NLRC5: variants seen among roughly 807,000 people sequenced by gnomAD.
The protein encoded by NLRC5 is NLR family CARD domain containing 5.
Under a neutral mutation model 206.9 loss-of-function variants are expected in NLRC5, and 114 were observed. The ratio of observed to expected loss-of-function variants is 0.55; its 90% CI spans 0.47 to 0.64. The LOEUF (loss-of-function observed/expected upper bound fraction) is 0.64. Among genes scored for constraint, NLRC5 ranks in the 30% least tolerant of loss-of-function variants. The pLI is 0.00. For missense variants in NLRC5, 2,008 were observed against 2,305.5 expected (o/e 0.87, Z 2.64); for synonymous variants, 952 against 962.8 (o/e 0.99, Z 0.21).
intron 40 of NLRC5, 68 bp downstream of exon 40, chr16:57,076,970 C>A (rs112443618): frequency 2.6e-5 from 35 of 1,356,096 alleles, no homozygotes; most frequent in Non-Finnish European, 3.6e-5. Context: ...GGGCAAGGGG[C>A]TACCTGAGCA....
chr16:57,027,011 A>AATCTC lies in NLRC5; in HGVS notation c.2070_2074dup (p.Ser692IlefsTer32). On this transcript the variant is annotated frameshift_variant, in exon 6 of 49. Transcript: ENST00000688547. LOFTEE classifies it high-confidence loss of function. ...TCTGGTAGGCTGTGGGCAGATAGAGAATCTCAGGTGAGTAAGAGTGGAGGA... is the reference window on the plus strand; with the variant it reads ...TCTGGTAGGCTGTGGGCAGATAGAGAATCTCATCTCAGGTGAGTAAGAGTGGAGGA... The AATCTC allele has an allele frequency of 6.2e-7, 1 of 1,613,088 alleles. No individual in the cohort carries two copies. Among genetic ancestry groups the AATCTC allele is most frequent in the Non-Finnish European group, 8.5e-7 (1 of 1,179,292 alleles).
intron 32 of NLRC5, chr16:57,062,019 T>C (rs1222086518): frequency 1.4e-6 from 2 of 1,418,148 alleles, no homozygotes; most frequent in Non-Finnish European, 9.3e-7. Flanking sequence ...GTCTGTTCAC[T>C]ATGATCATTT....
intron 1 of NLRC5, among the ~76,000 whole-genome samples, chr16:57,007,166 C>T (rs901888739): frequency 6.6e-6 from 1 of 152,162 alleles, no homozygotes; most frequent in East Asian, 1.9e-4. Context: ...CCAGATCCCT[C>T]CTCAGACACA....
chr16:57,008,751 G>A (rs1386932632), intron 1 of NLRC5, among the ~76,000 whole-genome samples: 3 of 152,138 alleles, frequency 2.0e-5, no homozygotes, highest in Admixed American at 6.5e-5. Flanking sequence ...AAAAAGCCTA[G>A]CAATGGCTTA....
intron 10 of NLRC5, among the ~76,000 whole-genome samples, chr16:57,030,519 G>T (rs962713875): frequency 6.6e-6 from 1 of 151,348 alleles, no homozygotes; most frequent in Middle Eastern, 3.4e-3. Flanking sequence ...TGGATGGAAA[G>T]ATTGATGGGT....
chr16:56,990,038 T>A (rs1432941701), intron 1 of NLRC5, among the ~76,000 whole-genome samples: 2 of 152,230 alleles, frequency 1.3e-5, no homozygotes, highest in Non-Finnish European at 2.9e-5. Flanking sequence ...CAATTTAGAC[T>A]TTTTGGCCTA....
chr16:57,024,761 G>C (rs2061088074), intron 5 of NLRC5, among the ~76,000 whole-genome samples: 1 of 152,212 alleles, frequency 6.6e-6, no homozygotes, highest in Non-Finnish European at 1.5e-5. Flanking sequence ...TGTAATCCCA[G>C]CACTTTGGAG....
In NLRC5 at chr16:57,059,525, A is replaced by T; in HGVS notation, c.3979A>T (p.Thr1327Ser). The T allele has an allele frequency of 1.2e-6, 2 of 1,611,372 alleles. No individual in the cohort carries two copies. The highest frequency in any genetic ancestry group is 1.7e-6 in the Non-Finnish European group (2 of 1,178,590). ...HFSREDQAGK[T>S]LRLSECSFRP... ...CTCCAGAGAGGACCAGGCTGGGAAGACACTCAGGTAATCCCTGCAGGGTGA... is the reference window on the plus strand; with the variant it reads ...CTCCAGAGAGGACCAGGCTGGGAAGTCACTCAGGTAATCCCTGCAGGGTGA... Residue 1327 changes from threonine (T) to serine (S), a missense_variant, in exon 30 of 49, where the codon ACA (threonine) becomes TCA (serine). Transcript: ENST00000688547.
At position 57,048,121 on chromosome 16, in the gene NLRC5, GCTT is replaced by G. The variant is rs142161599; in HGVS notation, c.3422+498_3422+500del. 1,254 of 157,248 alleles carry G rather than the reference GCTT, an allele frequency of 8.0e-3. 21 individuals are homozygous for G. Among genetic ancestry groups the G allele is most frequent in the African/African-American group, 0.029 (1,209 of 41,700 alleles). 9.7% of individuals were successfully genotyped at this position (157,248 alleles called of 1,614,324 possible). On this transcript the variant is annotated intron_variant, in intron 23 of 48. Coordinates refer to ENST00000688547, the MANE Select transcript of NLRC5 (RefSeq NM_001384950.1). ...AAGGGATTTAACTCCCCGGGCCTCA[GCTT>G]CTTCATCTGCACAGTGGATGGTCAG...
chr16:57,076,907 G>T lies in NLRC5; in HGVS notation c.4835+5G>T. On this transcript the variant is annotated splice_donor_5th_base_variant and intron_variant, in intron 40 of 48. Transcript: ENST00000688547. Reference sequence around the variant, plus strand: ...CACCAGCCTAGAGGAGCTGGAGTGAGTTGCCCATTCTGCCCCCAGACCCAG... The same window carrying T: ...CACCAGCCTAGAGGAGCTGGAGTGATTTGCCCATTCTGCCCCCAGACCCAG... The T allele has an allele frequency of 6.2e-7, 1 of 1,613,610 alleles. No homozygotes were observed. The highest frequency in any genetic ancestry group is 8.5e-7 in the Non-Finnish European group (1 of 1,179,850).
chr16:57,028,359 T>C lies in NLRC5; in HGVS notation c.2217T>C (p.Pro739=), dbSNP rs188888674. 43 of 1,614,146 alleles carry C rather than the reference T, an allele frequency of 2.7e-5. No homozygotes were observed. The East Asian group carries it at 9.1e-4, about 34-fold the overall frequency. The part of the protein sequence containing the change: ...RGISHLVKAL[P]LCPQLKEVSF... The stretch of plus-strand genomic sequence containing the variant: ...TCAGCCACCTGGTGAAAGCTTTGCC[T>C]CTCTGTCCACAGCTGAAAGAAGTCA... Residue 739 remains proline, a synonymous_variant, in exon 8 of 49, where the codon CCT becomes CCC. Transcript: ENST00000688547.
intron 1 of NLRC5, among the ~76,000 whole-genome samples, chr16:57,006,413 C>CTTTTTT (rs58713490): frequency 0.049 from 4,417 of 90,432 alleles, 628 homozygotes; most frequent in Non-Finnish European, 0.063. Context: ...TCTTCATCCT[C>CTTTTTT]TTTTTTTTTT....
intron 43 of NLRC5, 54 bp from the exon 44 acceptor site, chr16:57,078,996 G>T: frequency 2.0e-6 from 3 of 1,511,896 alleles, no homozygotes; most frequent in Non-Finnish European, 2.8e-6. Flanking sequence ...CTGAGGGTGG[G>T]GCTCTGGAAA....
intron 18 of NLRC5, among the ~76,000 whole-genome samples, 184 bp from the exon 19 acceptor site, chr16:57,041,798 G>A (rs1415079428): frequency 2.0e-5 from 3 of 151,952 alleles, no homozygotes; most frequent in Admixed American, 6.6e-5. Context: ...AGAGGTCCAC[G>A]AACCTCAGAA....
rs567290819 is a variant in NLRC5 at position 57,034,198 on chromosome 16, T to C, written c.2574T>C (p.Asp858=). Residue 858 remains aspartate (D), a synonymous_variant, in exon 13 of 49, where the codon GAT becomes GAC. Transcript: ENST00000688547. ...AGAAGTGTCAGCTCCAGGTCCACGATGCGGAGGCCCTCATAGCCCTGCTCC... is the reference window on the plus strand; with the variant it reads ...AGAAGTGTCAGCTCCAGGTCCACGACGCGGAGGCCCTCATAGCCCTGCTCC... The part of the protein sequence containing the change: ...RLQKCQLQVH[D]AEALIALLQE... 62 of 1,614,126 alleles carry C rather than the reference T, an allele frequency of 3.8e-5. No homozygotes were observed. In the Admixed American group the frequency reaches 6.0e-4, roughly 16 times the overall value.
intron 15 of NLRC5, among the ~76,000 whole-genome samples, chr16:57,039,085 G>A: frequency 6.6e-6 from 1 of 152,052 alleles, no homozygotes; most frequent in East Asian, 1.9e-4. Context: ...TTAATCCCAT[G>A]TTTGTAAAAC....
At chr16:57,079,472 T>C (rs1184819083) in intron 45 of NLRC5, 74 bp from the exon 46 acceptor site, 5 of 1,437,658 alleles carry the variant, frequency 3.5e-6, no homozygotes, top group Non-Finnish European at 3.9e-6. Flanking sequence ...CCCTGGTGGC[T>C]CTGGAGGCAG....
At position 57,079,963 on chromosome 16, in the gene NLRC5, G is replaced by A. The variant is rs189987514; in HGVS notation, c.5321+334G>A. 5.9e-5 allele frequency among the ~76,000 whole-genome samples: 9 copies of A among 152,320 alleles called. No homozygotes were observed. In the East Asian group the frequency reaches 1.7e-3, roughly 29 times the overall value. On this transcript the variant is annotated intron_variant, in intron 46 of 48. Coordinates refer to ENST00000688547, the MANE Select transcript of NLRC5 (RefSeq NM_001384950.1). The stretch of plus-strand genomic sequence containing the variant: ...GGCAACTGGATAGACCACCTTGCCT[G>A]CTTGATGAAACCTCCATTTATGAAC...
At position 57,033,895 on chromosome 16, in the gene NLRC5, G is replaced by A. The variant is rs531585574; in HGVS notation, c.2543+226G>A. 2.6e-5 allele frequency among the ~76,000 whole-genome samples: 4 copies of A among 152,276 alleles called. No individual in the cohort carries two copies. In the East Asian group the frequency reaches 5.8e-4, roughly 22 times the overall value. On this transcript the variant is annotated intron_variant, in intron 12 of 48. Transcript: ENST00000688547. ...TAATGGAACCGGCTATCTATATGCC[G>A]GGCATTGCACTAGATGTTTTACATC...
Sources: allele counts gnomAD v4.1 joint callset (sites outside exome capture counted in the v4.1 genomes callset), GRCh38; gene constraint gnomAD v4.1.1; transcripts MANE v1.5; gene names NCBI Gene and HGNC (gene_info 2026-07-23, HGNC 2026-07-21).